Variants in IMMP2L observed in about 807,000 individuals in gnomAD.
IMMP2L encodes the protein inner mitochondrial membrane peptidase subunit 2.
IMMP2L carries 18 observed loss-of-function variants against 19.3 expected under a neutral mutation model. That is an observed-to-expected ratio of 0.93 (90% CI 0.64 to 1.38). The LOEUF is 1.38. Ranked by LOEUF, IMMP2L falls within the 40% of genes most tolerant of loss-of-function variation. The pLI is 0.00. For missense variants in IMMP2L, 233 were observed against 218.2 expected, an observed-to-expected ratio of 1.07 and a Z score of -0.43; for synonymous variants, 76 against 73.0, an observed-to-expected ratio of 1.04 and a Z score of -0.21.
chr7:111,539,099 C>G (rs927137964), intron 1 of IMMP2L, among the ~76,000 whole-genome samples: 3 of 144,056 alleles, frequency 2.1e-5, no homozygotes, highest in African/African-American at 7.8e-5. Flanking sequence ...GCCTTGGCGA[C>G]AGAACAAGAC....
intron 5 of IMMP2L, among the ~76,000 whole-genome samples, chr7:110,852,764 A>G (rs939600805): frequency 6.6e-6 from 1 of 152,052 alleles, no homozygotes; most frequent in African/African-American, 2.4e-5. Context: ...ATTGTCTTCC[A>G]ATAGAAACCC....
At chr7:111,254,180 TGATA>T (rs1407818962) in intron 3 of IMMP2L, among the ~76,000 whole-genome samples, 1 of 152,132 alleles carries the variant, frequency 6.6e-6, no homozygotes, top group African/African-American at 2.4e-5. Flanking sequence ...TGGCTATGAA[TGATA>T]GAGAAAAGAC....
intron 3 of IMMP2L, among the ~76,000 whole-genome samples, chr7:111,386,421 C>T: frequency 6.6e-6 from 1 of 152,134 alleles, no homozygotes; most frequent in East Asian, 1.9e-4. Flanking sequence ...TATACAAATA[C>T]ATATATACAT....
chr7:110,752,519 A>G (rs2130925412), intron 5 of IMMP2L, among the ~76,000 whole-genome samples: 1 of 152,194 alleles, frequency 6.6e-6, no homozygotes, highest in East Asian at 1.9e-4. Context: ...ATTAAACAAT[A>G]CAAAGTCACT....
At chr7:111,295,892 C>A (rs1821576971) in intron 3 of IMMP2L, among the ~76,000 whole-genome samples, 1 of 149,862 alleles carries the variant, frequency 6.7e-6, no homozygotes, top group Non-Finnish European at 1.5e-5. Flanking sequence ...ATTTTATACC[C>A]AAATATAAAA....
At chr7:111,318,413 A>T (rs1374555970) in intron 3 of IMMP2L, among the ~76,000 whole-genome samples, 3 of 152,178 alleles carry the variant, frequency 2.0e-5, no homozygotes, top group Non-Finnish European at 4.4e-5. Context: ...AGACACATAC[A>T]GATGTCTAAA....
intron 5 of IMMP2L, among the ~76,000 whole-genome samples, chr7:110,743,663 C>T: frequency 6.6e-6 from 1 of 152,180 alleles, no homozygotes; most frequent in Non-Finnish European, 1.5e-5. Flanking sequence ...TGGGGCATCA[C>T]CTCACCCGGG....
intron 5 of IMMP2L, among the ~76,000 whole-genome samples, chr7:110,778,506 C>T (rs1213322010): frequency 1.3e-5 from 2 of 151,862 alleles, no homozygotes; most frequent in Non-Finnish European, 2.9e-5. Flanking sequence ...ATTACTATTA[C>T]CACCAGAATT....
intron 3 of IMMP2L, among the ~76,000 whole-genome samples, chr7:111,332,069 C>A: frequency 6.6e-6 from 1 of 151,554 alleles, no homozygotes; most frequent in East Asian, 1.9e-4. Context: ...AACAATAAGA[C>A]AAAAAGGCTG....
intron 3 of IMMP2L, among the ~76,000 whole-genome samples, chr7:111,228,058 A>G (rs1813299425): frequency 6.6e-6 from 1 of 152,156 alleles, no homozygotes; most frequent in Non-Finnish European, 1.5e-5. Context: ...TCTATCAGAA[A>G]TAATGTCAGG....
At chr7:111,416,205 T>C (rs1399595203) in intron 3 of IMMP2L, among the ~76,000 whole-genome samples, 1 of 151,850 alleles carries the variant, frequency 6.6e-6, no homozygotes, top group Non-Finnish European at 1.5e-5. Context: ...TGAAACTTTA[T>C]ATACGATGCT....
At chr7:110,896,835 C>T (rs2129546741) in intron 4 of IMMP2L, among the ~76,000 whole-genome samples, 1 of 151,558 alleles carries the variant, frequency 6.6e-6, no homozygotes, top group African/African-American at 2.4e-5. Context: ...GAGACAAGGT[C>T]TCGCTTCGTT....
At chr7:110,816,095 G>A (rs186928977) in intron 5 of IMMP2L, among the ~76,000 whole-genome samples, 5,607 of 151,912 alleles carry the variant, frequency 0.037, 129 homozygotes, top group Middle Eastern at 0.082. Context: ...TTTCTCTTGG[G>A]GGCATTTAGT....
chr7:110,782,457 A>G (rs1426814705), intron 5 of IMMP2L, among the ~76,000 whole-genome samples: 2 of 151,914 alleles, frequency 1.3e-5, no homozygotes, highest in African/African-American at 4.8e-5. Context: ...TGATAAATGC[A>G]GCCTTATTGG....
intron 3 of IMMP2L, among the ~76,000 whole-genome samples, chr7:111,193,044 T>C (rs1809066804): frequency 6.6e-6 from 1 of 152,064 alleles, no homozygotes. Context: ...AGAGAATTAC[T>C]AAGAGATGCA....
intron 3 of IMMP2L, among the ~76,000 whole-genome samples, chr7:111,217,295 A>G (rs926234458): frequency 3.3e-5 from 5 of 152,066 alleles, no homozygotes; most frequent in African/African-American, 1.2e-4. Context: ...GAATAGAAGG[A>G]GAATCAATTC....
At chr7:111,068,876 T>G (rs897810109) in intron 3 of IMMP2L, among the ~76,000 whole-genome samples, 3 of 152,184 alleles carry the variant, frequency 2.0e-5, no homozygotes, top group Admixed American at 2.0e-4. Flanking sequence ...CCATTTGTTG[T>G]TCTGTCCACT....
intron 3 of IMMP2L, among the ~76,000 whole-genome samples, chr7:111,206,353 C>T (rs1013696600): frequency 1.1e-4 from 16 of 152,172 alleles, no homozygotes; most frequent in Non-Finnish European, 2.1e-4. Context: ...CACTAAGATA[C>T]ATTAAGTCCA....
intron 3 of IMMP2L, among the ~76,000 whole-genome samples, chr7:111,265,783 A>T (rs1817766521): frequency 6.6e-6 from 1 of 152,156 alleles, no homozygotes; most frequent in African/African-American, 2.4e-5. Flanking sequence ...GAAAGCTCTA[A>T]AAATATGAGA....
Sources: allele counts gnomAD v4.1 joint callset (sites outside exome capture counted in the v4.1 genomes callset), GRCh38; gene constraint gnomAD v4.1.1; transcripts MANE v1.5; gene names NCBI Gene and HGNC (gene_info 2026-07-23, HGNC 2026-07-21).